Variants in UBN1 observed in about 807,000 individuals in gnomAD.
The protein encoded by UBN1 is ubinuclein 1, also known as ubinuclein-1.
A neutral mutation model predicts 108.5 loss-of-function variants in UBN1; 17 were observed. The ratio of observed to expected loss-of-function variants is 0.16; its 90% CI spans 0.11 to 0.24. The LOEUF is 0.24. Among genes scored for constraint, UBN1 ranks in the 10% least tolerant of loss-of-function variants. The probability of loss-of-function intolerance (pLI) is 1.00; values close to 1 mark genes in which losing one functional copy is unlikely to be tolerated. For synonymous variants in UBN1, 726 were observed against 564.2 expected (o/e 1.29, Z -4.07); for missense variants, 1,595 against 1,394.4 (o/e 1.14, Z -2.29).
In UBN1 at chr16:4,847,531, AGGC is replaced by A. The variant is rs879624873; in HGVS notation, c.-705_-703del. 1.6e-4 allele frequency: 77 copies of A among 475,130 alleles called. No individual in the cohort carries two copies. Among genetic ancestry groups the A allele is most frequent in the Non-Finnish European group, 2.1e-4 (56 of 272,000 alleles). 29.4% of individuals were successfully genotyped at this position (475,130 alleles called of 1,614,324 possible). On this transcript the variant is annotated 5_prime_UTR_variant, in exon 1 of 18. Coordinates refer to ENST00000262376, the MANE Select transcript of UBN1 (RefSeq NM_001079514.3). ...GTGACAACGAAGCGCCCGCGGTCTG[AGGC>A]GGCGGCGGCGGCGACGGTGCGACCG... is the stretch of plus-strand genomic sequence containing the variant.
chr16:4,876,511 C>T (rs2087893172), intron 15 of UBN1, among the ~76,000 whole-genome samples: 1 of 150,648 alleles, frequency 6.6e-6, no homozygotes, highest in African/African-American at 2.4e-5. Flanking sequence ...ATCTATATTA[C>T]ATTTTTCCCT....
chr16:4,857,977 G>T lies in UBN1; in HGVS notation c.250-13G>T. 1 of 1,589,172 alleles carries T rather than the reference G, an allele frequency of 6.3e-7. No individual in the cohort carries two copies. Among genetic ancestry groups the T allele is most frequent in the South Asian group, 1.1e-5 (1 of 88,722 alleles). On this transcript the variant is annotated splice_polypyrimidine_tract_variant and intron_variant, in intron 2 of 17. Coordinates refer to ENST00000262376, the MANE Select transcript of UBN1 (RefSeq NM_001079514.3). Reference sequence around the variant, plus strand: ...TTTTCTGACTTATTTTTTGTGGAACGATCTCTTTACAGAAGAAAGATCTGT... The same window carrying T: ...TTTTCTGACTTATTTTTTGTGGAACTATCTCTTTACAGAAGAAAGATCTGT...
At chr16:4,860,382 C>T (rs2087002921) in intron 6 of UBN1, among the ~76,000 whole-genome samples, 1 of 152,220 alleles carries the variant, frequency 6.6e-6, no homozygotes, top group African/African-American at 2.4e-5. Flanking sequence ...CTTGCTCTCC[C>T]TGCCCCTTTT....
Position 4,860,846 on chromosome 16 carries a change from CCTCTGACCCCTTGCTCTCACTCTTTGG to C in UBN1, c.859_885del (p.Asp287_Ser295del). The C allele has an allele frequency of 6.2e-7, 1 of 1,614,274 alleles. No homozygotes were observed. The highest frequency in any genetic ancestry group is 8.5e-7 in the Non-Finnish European group (1 of 1,180,050). ...CAGGGCCTGCGGGAACTGGAGGGTGCCTCTGACCCCTTGCTCTCACTCTTTGGCTCTACTTCTGACAACGACTTGCTC... is the reference window on the plus strand; with the variant it reads ...CAGGGCCTGCGGGAACTGGAGGGTGCCTCTACTTCTGACAACGACTTGCTC... On this transcript the variant is annotated inframe_deletion, in exon 7 of 18. Transcript: ENST00000262376.
intron 7 of UBN1, among the ~76,000 whole-genome samples, chr16:4,863,003 A>G (rs957746333): frequency 6.6e-6 from 1 of 152,220 alleles, no homozygotes; most frequent in Non-Finnish European, 1.5e-5. Flanking sequence ...TGTGAAGTTG[A>G]TATTCGAGTC....
Position 4,877,912 on chromosome 16 carries a change from G to A in UBN1, c.3355+438G>A. On this transcript the variant is annotated intron_variant, in intron 17 of 17. Transcript: ENST00000262376. This position sits in a 1 kb window ranked among gnomAD's most constrained non-coding sequence, Gnocchi z 4.3. ...GTCAGATGTGATTGCTTAACAGAAG[G>A]CTCTCTAAACTTTGTTTCCATTAAA... is the stretch of plus-strand genomic sequence containing the variant. 1 of 880,854 alleles carries A rather than the reference G, an allele frequency of 1.1e-6. No individual in the cohort carries two copies. Among genetic ancestry groups the A allele is most frequent in the South Asian group, 5.2e-5 (1 of 19,164 alleles). 54.6% of individuals were successfully genotyped at this position (880,854 alleles called of 1,614,324 possible).
At chr16:4,861,242 T>G in intron 7 of UBN1, 140 bp downstream of exon 7, 1 of 940,514 alleles carries the variant, frequency 1.1e-6, no homozygotes, top group Non-Finnish European at 1.5e-6. Flanking sequence ...AACCCTATTC[T>G]CATCCTGAGG....
chr16:4,863,740 G>A (rs1376373521), intron 7 of UBN1, among the ~76,000 whole-genome samples: 1 of 152,090 alleles, frequency 6.6e-6, no homozygotes, highest in Non-Finnish European at 1.5e-5. Context: ...ATAGCAGTTC[G>A]TTTCTCCTGA....
At chr16:4,859,788 G>T (rs2086975696) in intron 5 of UBN1, 77 bp from the exon 6 acceptor site, 1 of 1,592,184 alleles carries the variant, frequency 6.3e-7, no homozygotes, top group Non-Finnish European at 8.5e-7. Context: ...CCCGGGCGGA[G>T]CAAGGCCAGT....
At chr16:4,876,628 T>G (rs1483405073) in intron 15 of UBN1, among the ~76,000 whole-genome samples, 1 of 152,112 alleles carries the variant, frequency 6.6e-6, no homozygotes, top group Admixed American at 6.5e-5. Context: ...GAGACATATT[T>G]AATATCCTGC....
At chr16:4,867,005 G>A (rs1001433062) in intron 7 of UBN1, among the ~76,000 whole-genome samples, 8 of 152,230 alleles carry the variant, frequency 5.3e-5, no homozygotes, top group Non-Finnish European at 1.2e-4. Flanking sequence ...AGGCTTCGCC[G>A]GCCTCCTGGG....
Position 4,860,801 on chromosome 16 carries a change from C to A in UBN1, c.809C>A (p.Ala270Glu), listed in dbSNP as rs368743671. ...AGGGAGGAGGAGCATAAGCCTGTTGCGGTCCCATCAGCGGAAGCTCAGGGC... is the reference window on the plus strand; with the variant it reads ...AGGGAGGAGGAGCATAAGCCTGTTGAGGTCCCATCAGCGGAAGCTCAGGGC... ...KKREEEHKPV[A>E]VPSAEAQGLR... is the part of the protein sequence containing the mutation. The change falls in exon 7 of 18, where the codon GCG becomes GAG. Residue 270 changes from alanine to glutamate, a missense_variant. Transcript: ENST00000262376. 6.2e-7 allele frequency: 1 copy of A among 1,614,268 alleles called. No homozygotes were observed. The highest frequency in any genetic ancestry group is 8.5e-7 in the Non-Finnish European group (1 of 1,180,044).
intron 7 of UBN1, among the ~76,000 whole-genome samples, chr16:4,865,827 G>A (rs2087302809): frequency 6.6e-6 from 1 of 151,924 alleles, no homozygotes. Context: ...CCGAACATGG[G>A]GGTGGGTGCC....
At chr16:4,873,249 C>G (rs1212838239) in intron 14 of UBN1, among the ~76,000 whole-genome samples, 176 bp downstream of exon 14, 2 of 152,222 alleles carry the variant, frequency 1.3e-5, no homozygotes, top group African/African-American at 2.4e-5. Context: ...TAACCCCCCT[C>G]TAGCCTTGGT....
In UBN1 at chr16:4,875,416, A is replaced by G. The variant is rs1437287462; in HGVS notation, c.3006A>G (p.Thr1002=). 4 of 1,612,180 alleles carry G rather than the reference A, an allele frequency of 2.5e-6. No homozygotes were observed. The South Asian group carries it at 3.3e-5, about 13-fold the overall frequency. The change falls in exon 15 of 18, where the codon ACA becomes ACG. Residue 1002 remains threonine, a synonymous_variant. Coordinates refer to ENST00000262376, the MANE Select transcript of UBN1 (RefSeq NM_001079514.3). ...SLKPSAVSSV[T]SSTSLSKGAS... ...AGCCCTCTGCAGTTAGTAGTGTGAC[A>G]TCGTCTACCTCCTTGTCAGTGAGTA...
chr16:4,880,030 G>A, intron 17 of UBN1, 53 bp from the exon 18 acceptor site: 1 of 1,602,078 alleles, frequency 6.2e-7, no homozygotes, highest in Admixed American at 1.7e-5. Flanking sequence ...CTGCCTTAAG[G>A]AAATCAGAGA....
At chr16:4,868,809 C>T in intron 7 of UBN1, 24 bp from the exon 8 acceptor site, 1 of 1,612,282 alleles carries the variant, frequency 6.2e-7, no homozygotes, top group Non-Finnish European at 8.5e-7. Context: ...GCACTAACGG[C>T]TGTTACTGTC....
At chr16:4,862,230 CT>C (rs1567913169) in intron 7 of UBN1, among the ~76,000 whole-genome samples, 1 of 152,146 alleles carries the variant, frequency 6.6e-6, no homozygotes, top group Non-Finnish European at 1.5e-5. Flanking sequence ...CTATAATATC[CT>C]TTGTGTTTTA....
chr16:4,876,115 C>T lies in UBN1; in HGVS notation c.3024+681C>T, dbSNP rs535955436. Among the ~76,000 whole-genome samples the T allele has an allele frequency of 2.8e-4, 42 of 152,200 alleles. 1 individual carries two copies. In the East Asian group the frequency reaches 7.5e-3, roughly 27 times the overall value. On this transcript the variant is annotated intron_variant, in intron 15 of 17. Transcript: ENST00000262376. ...CTGGGACTACAGGCGTCCGCCACCACGCCCAGCTAATTTTTTGTGTTTTTA... is the reference window on the plus strand; with the variant it reads ...CTGGGACTACAGGCGTCCGCCACCATGCCCAGCTAATTTTTTGTGTTTTTA...
Sources: allele counts gnomAD v4.1 joint callset (sites outside exome capture counted in the v4.1 genomes callset), GRCh38; gene constraint gnomAD v4.1.1; non-coding constraint Gnocchi (gnomAD v3.1); transcripts MANE v1.5; gene names NCBI Gene and HGNC (gene_info 2026-07-23, HGNC 2026-07-21).